CDH4: variants seen among roughly 807,000 people sequenced by gnomAD.
The protein encoded by CDH4 is cadherin-4.
CDH4 carries 33 observed loss-of-function variants against 86.0 expected under a neutral mutation model. The observed-to-expected ratio is 0.38, with a 90% confidence interval of 0.29 to 0.51. CDH4 has a LOEUF of 0.51. CDH4 is among the 20% of genes least tolerant of loss of function. The probability of loss-of-function intolerance (pLI) is 0.86; values close to 1 mark genes in which losing one functional copy is unlikely to be tolerated. For synonymous variants in CDH4, 555 were observed against 549.4 expected (o/e 1.01, Z -0.14); for missense variants, 1,114 against 1,307.4 (o/e 0.85, Z 2.28).
intron 4 of CDH4, among the ~76,000 whole-genome samples, chr20:61,774,344 C>T (rs1192989492): frequency 2.6e-5 from 4 of 152,228 alleles, no homozygotes; most frequent in African/African-American, 9.6e-5. Flanking sequence ...GCCCACATCT[C>T]CTGGGCCCAC....
rs1039718192 is a variant in CDH4, at chr20:61,545,059, C to T, written c.170-198504C>T. Among the ~76,000 whole-genome samples, 11 of 152,180 alleles carry T rather than the reference C, an allele frequency of 7.2e-5. No individual in the cohort carries two copies. The East Asian group carries it at 1.4e-3, about 19-fold the overall frequency. On this transcript the variant is annotated intron_variant, in intron 2 of 15. Transcript: ENST00000614565. ...CCCTCTCAGATGGCAGGAGCGCCCT[C>T]GCTTCTGTGGGTCTGACGCGGAGAC...
chr20:61,571,552 A>G (rs2086341832), intron 2 of CDH4, among the ~76,000 whole-genome samples: 1 of 152,178 alleles, frequency 6.6e-6, no homozygotes, highest in Non-Finnish European at 1.5e-5. Flanking sequence ...GGACCAGTAC[A>G]GGAACTGGCA....
At chr20:61,461,876 T>G (rs1450551035) in intron 2 of CDH4, among the ~76,000 whole-genome samples, 1 of 152,046 alleles carries the variant, frequency 6.6e-6, no homozygotes. Flanking sequence ...AGCTCTGGAG[T>G]GCCGTGTGCA....
intron 4 of CDH4, among the ~76,000 whole-genome samples, chr20:61,833,897 C>T (rs1395528349): frequency 6.6e-6 from 1 of 152,222 alleles, no homozygotes; most frequent in Non-Finnish European, 1.5e-5. Context: ...TGAGGAGGCG[C>T]CCCCTCCTCT....
At chr20:61,625,933 G>C (rs528198295) in intron 2 of CDH4, among the ~76,000 whole-genome samples, 1 of 152,210 alleles carries the variant, frequency 6.6e-6, no homozygotes, top group African/African-American at 2.4e-5. Context: ...GTCCCACCTC[G>C]TAGGGTTGCT....
At chr20:61,590,920 T>G (rs1019245108) in intron 2 of CDH4, among the ~76,000 whole-genome samples, 5 of 151,608 alleles carry the variant, frequency 3.3e-5, no homozygotes, top group African/African-American at 1.2e-4. Context: ...CTCCATGTGA[T>G]GCTTCCTGAC....
chr20:61,844,635 A>G, intron 4 of CDH4, 33 bp from the exon 5 acceptor site: 3 of 1,592,326 alleles, frequency 1.9e-6, no homozygotes, highest in African/African-American at 2.7e-5. Flanking sequence ...TCACCACAGG[A>G]TAACCTCTTC....
intron 2 of CDH4, among the ~76,000 whole-genome samples, chr20:61,286,525 CAA>C (rs1221472864): frequency 3.9e-5 from 6 of 152,188 alleles, no homozygotes; most frequent in South Asian, 2.1e-4. Context: ...GTTCAGAAGT[CAA>C]GAGTAACAGC....
At chr20:61,415,200 AC>A (rs2085140079) in intron 2 of CDH4, among the ~76,000 whole-genome samples, 1 of 151,994 alleles carries the variant, frequency 6.6e-6, no homozygotes. Flanking sequence ...CTGCCCCCCT[AC>A]CCCAGACCTG....
At chr20:61,866,944 G>A (rs1983576296) in intron 6 of CDH4, among the ~76,000 whole-genome samples, 1 of 152,210 alleles carries the variant, frequency 6.6e-6, no homozygotes, top group South Asian at 2.1e-4. Context: ...CCCAAAGAGG[G>A]GCCTCCCAAA....
At chr20:61,380,668 T>G (rs1457654802) in intron 2 of CDH4, among the ~76,000 whole-genome samples, 1 of 152,184 alleles carries the variant, frequency 6.6e-6, no homozygotes, top group African/African-American at 2.4e-5. Context: ...TCAGACCCAC[T>G]GTCACACGAT....
At chr20:61,443,617 G>A (rs2427101) in intron 2 of CDH4, among the ~76,000 whole-genome samples, 6 of 152,006 alleles carry the variant, frequency 3.9e-5, no homozygotes, top group Non-Finnish European at 7.4e-5. Context: ...CATTATTTTC[G>A]CAAGGAAAGC....
In CDH4 at chr20:61,923,586, G is replaced by C. The variant is rs370141500; in HGVS notation, c.1510G>C (p.Ala504Pro). ...CATCTCCATCATGGACATCAACGAGGCTCCCTACTTCCCCTCAAACCACAA... is the reference window on the plus strand; with the variant it reads ...CATCTCCATCATGGACATCAACGAGCCTCCCTACTTCCCCTCAAACCACAA... ...VTISIMDINE[A>P]PYFPSNHKLI... is the part of the protein sequence containing the mutation. The change falls in exon 10 of 16, where the codon GCT (alanine) becomes CCT (proline). Residue 504 changes from alanine (A) to proline (P), a missense_variant. By Grantham distance (27) the Ala-to-Pro change is conservative. Coordinates refer to ENST00000614565, the MANE Select transcript of CDH4 (RefSeq NM_001794.5). The C allele has an allele frequency of 4.3e-6, 7 of 1,614,034 alleles. No homozygotes were observed. The African/African-American group carries it at 9.3e-5, about 22-fold the overall frequency.
At chr20:61,461,800 C>T (rs1435780732) in intron 2 of CDH4, among the ~76,000 whole-genome samples, 2 of 152,166 alleles carry the variant, frequency 1.3e-5, no homozygotes, top group African/African-American at 2.4e-5. Context: ...GAACAAGCAC[C>T]GTGTCTCTTT....
intron 2 of CDH4, among the ~76,000 whole-genome samples, chr20:61,551,657 T>A (rs1600751530): frequency 6.6e-6 from 1 of 152,336 alleles, no homozygotes; most frequent in East Asian, 1.9e-4. Context: ...TTCATTCCCA[T>A]CTGCACAATA....
chr20:61,347,925 G>A (rs2084689220), intron 2 of CDH4, among the ~76,000 whole-genome samples: 2 of 152,118 alleles, frequency 1.3e-5, no homozygotes, highest in South Asian at 4.1e-4. Context: ...GGAATAACAA[G>A]TCCTTAAAAT....
rs1454192924 is a variant in CDH4, at chr20:61,940,194, G to A, written c.*3251G>A. 1 of 152,136 alleles carries A rather than the reference G, an allele frequency of 6.6e-6. No individual in the cohort carries two copies. Among genetic ancestry groups the A allele is most frequent in the Non-Finnish European group, 1.5e-5 (1 of 68,034 alleles). 9.4% of individuals were successfully genotyped at this position (152,136 alleles called of 1,614,324 possible). On this transcript the variant is annotated 3_prime_UTR_variant, in exon 16 of 16. Coordinates refer to ENST00000614565, the MANE Select transcript of CDH4 (RefSeq NM_001794.5). ...AGTACCTCACAACAGGCCCAGCGGG[G>A]GACCACCTCTCTGTACAATTGGAAT...
At chr20:61,841,734 TGTGTGCAC>T (rs1216400539) in intron 4 of CDH4, among the ~76,000 whole-genome samples, 3 of 151,772 alleles carry the variant, frequency 2.0e-5, no homozygotes, top group Admixed American at 2.0e-4. Context: ...AGACTGTGAG[TGTGTGCAC>T]ATGTGCACAG....
intron 2 of CDH4, among the ~76,000 whole-genome samples, chr20:61,539,080 G>A (rs1310812386): frequency 6.6e-6 from 1 of 152,192 alleles, no homozygotes; most frequent in East Asian, 1.9e-4. Flanking sequence ...CAGCGGGTCA[G>A]GTGGAGGGGG....
Sources: gnomAD v4.1 joint callset for allele counts (sites outside exome capture counted in the v4.1 genomes callset) on GRCh38, gnomAD v4.1.1 for gene constraint, MANE v1.5 for transcripts, NCBI Gene and HGNC (gene_info 2026-07-23, HGNC 2026-07-21) for gene names.